CCAR2: variants seen among roughly 807,000 people sequenced by gnomAD.
CCAR2 encodes cell cycle and apoptosis regulator protein 2.
CCAR2 carries 21 observed loss-of-function variants against 108.1 expected under a neutral mutation model. That is an observed-to-expected ratio of 0.19 (90% CI 0.14 to 0.28). The LOEUF (loss-of-function observed/expected upper bound fraction) is 0.28. Ranked by LOEUF, CCAR2 falls within the 10% of genes least tolerant of loss-of-function variation. The pLI is 1.00. For missense variants in CCAR2, 1,126 were observed against 1,177.0 expected (o/e 0.96, Z 0.63); for synonymous variants, 577 against 472.8 (o/e 1.22, Z -2.86).
chr8:22,621,293 T>G, downstream of CCAR2: 2 of 1,285,898 alleles, frequency 1.6e-6, no homozygotes, highest in Non-Finnish European at 2.1e-6. Context: ...AGTCATTCAT[T>G]GCAAAGGGCC....
rs774399424 is a variant in CCAR2 at position 22,615,762 on chromosome 8, G to T, written c.1458G>T (p.Glu486Asp). 6.2e-7 allele frequency: 1 copy of T among 1,613,880 alleles called. No homozygotes were observed. Among genetic ancestry groups the T allele is most frequent in the Non-Finnish European group, 8.5e-7 (1 of 1,180,006 alleles). ...CTAGACGGAACGCAGAAACTCCAGA[G>T]GCCACCACACAGCAGGAAACGGACA... ...DTSRRNAETP[E>D]ATTQQETDTD... The change falls in exon 13 of 21, where the codon GAG (glutamate) becomes GAT (aspartate). Residue 486 changes from glutamate to aspartate, a missense_variant. By Grantham distance (45) the Glu-to-Asp change is conservative. Coordinates refer to ENST00000308511, the MANE Select transcript of CCAR2 (RefSeq NM_001393997.1).
At chr8:22,607,455 T>TA in intron 6 of CCAR2, 130 bp downstream of exon 6, 1 of 993,884 alleles carries the variant, frequency 1.0e-6, no homozygotes, top group African/African-American at 1.7e-5. Flanking sequence ...GCAATCTGGA[T>TA]AGGTGTTTAG....
chr8:22,615,215 C>T, intron 11 of CCAR2: 2 of 860,916 alleles, frequency 2.3e-6, no homozygotes, highest in South Asian at 1.8e-5. Flanking sequence ...TGTCCTTGCA[C>T]CTTGTAGGGT....
At chr8:22,609,452 C>A (rs560883846) in intron 7 of CCAR2, among the ~76,000 whole-genome samples, 2 of 152,312 alleles carry the variant, frequency 1.3e-5, no homozygotes, top group East Asian at 1.9e-4. Flanking sequence ...ACGCCCGGCC[C>A]ATTGTGAATT....
At chr8:22,607,467 GTT>G (rs34256757) in intron 6 of CCAR2, 142 bp downstream of exon 6, 23,726 of 396,190 alleles carry the variant, frequency 0.06, 6 homozygotes, top group East Asian at 0.12. Context: ...GGTGTTTAGG[GTT>G]TTTTTTTTTT....
rs1801504730 is a variant in CCAR2 at position 22,616,258 on chromosome 8, C to T, written c.1845+10C>T. 3.1e-6 allele frequency: 5 copies of T among 1,610,256 alleles called. No individual in the cohort carries two copies. The highest frequency in any genetic ancestry group is 4.2e-6 in the Non-Finnish European group (5 of 1,178,688). The stretch of plus-strand genomic sequence containing the variant: ...GTCAGAGGCCCCGCTGGTGAGTACC[C>T]TGCCACCTCGGGCTGTCATAGTGCT... On this transcript the variant is annotated intron_variant, in intron 14 of 20. Transcript: ENST00000308511.
chr8:22,612,111 A>G (rs1801309890), intron 7 of CCAR2, among the ~76,000 whole-genome samples: 1 of 151,852 alleles, frequency 6.6e-6, no homozygotes, highest in African/African-American at 2.4e-5. Flanking sequence ...ACACCTGGCT[A>G]CTTTTTTGTA....
intron 7 of CCAR2, among the ~76,000 whole-genome samples, chr8:22,611,430 A>ATATGTGTG: frequency 1.4e-5 from 2 of 144,528 alleles, no homozygotes; most frequent in African/African-American, 5.5e-5. Flanking sequence ...ATGTGTGTAT[A>ATATGTGTG]TATGTGTGTG....
chr8:22,615,944 G>T, intron 13 of CCAR2, 32 bp downstream of exon 13: 1 of 1,613,262 alleles, frequency 6.2e-7, no homozygotes, highest in South Asian at 1.1e-5. Context: ...GAGGCTGTGG[G>T]CTGGGATTTG....
At position 22,613,871 on chromosome 8, in the gene CCAR2, G is replaced by C. The variant is rs1413864750; in HGVS notation, c.705-221G>C. The stretch of plus-strand genomic sequence containing the variant: ...AGGCAATGACCCATTTCTCTGTCAT[G>C]TGTTATAAGTGTTTTCTTTTTTCCC... On this transcript the variant is annotated intron_variant, in intron 8 of 20. Coordinates refer to ENST00000308511, the MANE Select transcript of CCAR2 (RefSeq NM_001393997.1). 3 of 563,712 alleles carry C rather than the reference G, an allele frequency of 5.3e-6. No homozygotes were observed. The East Asian group carries it at 8.7e-5, about 16-fold the overall frequency. 34.9% of individuals were successfully genotyped at this position (563,712 alleles called of 1,614,324 possible).
At chr8:22,607,775 C>A (rs1481448566) in intron 6 of CCAR2, among the ~76,000 whole-genome samples, 194 bp from the exon 7 acceptor site, 1 of 152,182 alleles carries the variant, frequency 6.6e-6, no homozygotes, top group African/African-American at 2.4e-5. Context: ...CAGGCACCCA[C>A]CACCATGCCC....
At chr8:22,611,945 CT>C (rs569460220) in intron 7 of CCAR2, among the ~76,000 whole-genome samples, 21,278 of 88,150 alleles carry the variant, frequency 0.24, 3,517 homozygotes, top group African/African-American at 0.47. Context: ...AACTGTCTCT[CT>C]TTTTTTTTTT....
rs1256765175 is a variant in CCAR2, at chr8:22,619,163, C to G, written c.2535C>G (p.Asn845Lys). Reference sequence around the variant, plus strand: ...TCCACCTTGCAGAGGAGAGCCATAACCGTTTCTCAGCCACTGAAGTAACCA... The same window carrying G: ...TCCACCTTGCAGAGGAGAGCCATAAGCGTTTCTCAGCCACTGAAGTAACCA... ...TLELKLEESH[N>K]RFSATEVTNK... is the part of the protein sequence containing the mutation. Residue 845 changes from asparagine (N) to lysine (K), a missense_variant, in exon 20 of 21, where the codon AAC becomes AAG. Asn to Lys is a moderately conservative substitution (Grantham distance 94, BLOSUM62 0). Transcript: ENST00000308511. 1.2e-6 allele frequency: 2 copies of G among 1,602,104 alleles called. No homozygotes were observed. Among genetic ancestry groups the G allele is most frequent in the Admixed American group, 3.5e-5 (2 of 57,270 alleles).
At chr8:22,614,765 G>GGCTGCCTTCATCCTGATGGGT in intron 10 of CCAR2, 73 bp from the exon 11 acceptor site, 1 of 1,593,500 alleles carries the variant, frequency 6.3e-7, no homozygotes, top group South Asian at 1.1e-5. Context: ...CCTGATGGGT[G>GGCTGCCTTCATCCTGATGGGT]GCAGCCTTGC....
chr8:22,611,418 A>ATATG (rs1195586087), intron 7 of CCAR2, among the ~76,000 whole-genome samples: 1 of 103,258 alleles, frequency 9.7e-6, no homozygotes, highest in African/African-American at 3.8e-5. Context: ...GTGTGTGTAT[A>ATATG]TATGTGTGTA....
downstream of CCAR2, chr8:22,621,210 A>G (rs1801792374): frequency 1.1e-5 from 7 of 622,038 alleles, no homozygotes; most frequent in African/African-American, 3.7e-5. Context: ...GTTTGTCTAC[A>G]CTGCTTACCT....
chr8:22,605,322 A>C, intron 1 of CCAR2: 2 of 162,500 alleles, frequency 1.2e-5, no homozygotes, highest in East Asian at 1.9e-4. Context: ...GAACGAAGGA[A>C]TGTCATCGGG....
At chr8:22,607,385 CT>C in intron 6 of CCAR2, 60 bp downstream of exon 6, 1 of 1,584,028 alleles carries the variant, frequency 6.3e-7, no homozygotes, top group Non-Finnish European at 8.6e-7. Flanking sequence ...GATCAATGGA[CT>C]TTCAGGTTGC....
At chr8:22,607,780 A>G (rs1300558366) in intron 6 of CCAR2, among the ~76,000 whole-genome samples, 189 bp from the exon 7 acceptor site, 4 of 152,084 alleles carry the variant, frequency 2.6e-5, no homozygotes, top group African/African-American at 9.7e-5. Flanking sequence ...ACCCACCACC[A>G]TGCCCGGCTG....
Sources: gnomAD v4.1 joint callset for allele counts (sites outside exome capture counted in the v4.1 genomes callset) on GRCh38, gnomAD v4.1.1 for gene constraint, MANE v1.5 for transcripts, NCBI Gene and HGNC (gene_info 2026-07-23, HGNC 2026-07-21) for gene names.